Variants in MAPK10 observed in about 807,000 individuals in gnomAD.
The protein encoded by MAPK10 is JNK3 alpha protein kinase.
Under a neutral mutation model 59.3 loss-of-function variants are expected in MAPK10, and 25 were observed. The observed-to-expected ratio is 0.42, with a 90% CI of 0.31 to 0.59. MAPK10 has a LOEUF of 0.59. MAPK10 is among the 20% of genes least tolerant of loss of function. The pLI is 0.15. For synonymous variants in MAPK10, 190 were observed against 200.5 expected (o/e 0.95, Z 0.44); for missense variants, 351 against 568.9 (o/e 0.62, Z 3.90).
chr4:86,064,127 G>T, intron 11 of MAPK10, 139 bp downstream of exon 11: 1 of 972,668 alleles, frequency 1.0e-6, no homozygotes, highest in South Asian at 1.7e-5. Flanking sequence ...ATAGCTTTTA[G>T]AGGGGCAGAT....
chr4:86,357,183 G>T (rs559469758), intron 1 of MAPK10: 83 of 152,276 alleles, frequency 5.5e-4, no homozygotes, highest in African/African-American at 2.0e-3. Context: ...GCAATCATTC[G>T]ATTTGAACAC....
chr4:86,531,922 T>C (rs1283934431), intron 1 of MAPK10, among the ~76,000 whole-genome samples: 1 of 151,844 alleles, frequency 6.6e-6, no homozygotes, highest in Non-Finnish European at 1.5e-5. Context: ...GGCACGATGG[T>C]TTGCACCTGT....
chr4:86,391,341 C>T, intron 1 of MAPK10, among the ~76,000 whole-genome samples: 1 of 152,156 alleles, frequency 6.6e-6, no homozygotes, highest in East Asian at 1.9e-4. Flanking sequence ...CAAATGGAAA[C>T]AAAATCCTTT....
intron 1 of MAPK10, among the ~76,000 whole-genome samples, chr4:86,535,736 C>T (rs144569433): frequency 3.5e-4 from 53 of 152,242 alleles, no homozygotes; most frequent in African/African-American, 1.2e-3. Flanking sequence ...CTTTAATTTA[C>T]TTTGGTAGTA....
chr4:86,223,080 T>C (rs1443959775), intron 2 of MAPK10, among the ~76,000 whole-genome samples: 1 of 152,246 alleles, frequency 6.6e-6, no homozygotes, highest in East Asian at 1.9e-4. Flanking sequence ...GCTCAACATC[T>C]TTTAAGCCTT....
chr4:86,133,292 G>A (rs1044129787), intron 4 of MAPK10, among the ~76,000 whole-genome samples: 3 of 152,110 alleles, frequency 2.0e-5, no homozygotes, highest in African/African-American at 7.2e-5. Context: ...TTATATCAGA[G>A]AGCTGAAAAA....
chr4:86,455,967 C>T (rs979716665), upstream of MAPK10, among the ~76,000 whole-genome samples: 2 of 152,088 alleles, frequency 1.3e-5, no homozygotes, highest in Non-Finnish European at 2.9e-5. Flanking sequence ...TCTCTCAGAC[C>T]AGAGTGGAAT....
At chr4:86,359,575 C>T (rs888092141) in intron 1 of MAPK10, 83 bp downstream of exon 1, 4 of 591,168 alleles carry the variant, frequency 6.8e-6, no homozygotes, top group African/African-American at 4.0e-5. Context: ...ACTCCCTCTC[C>T]CGCCCCACCA....
At chr4:86,167,249 C>T (rs530678343) in intron 3 of MAPK10, among the ~76,000 whole-genome samples, 34 of 152,162 alleles carry the variant, frequency 2.2e-4, no homozygotes, top group African/African-American at 7.9e-4. Context: ...AAAAAAAAGC[C>T]CAGGACCAGA....
intron 2 of MAPK10, among the ~76,000 whole-genome samples, chr4:86,201,291 A>C (rs1313318865): frequency 6.6e-6 from 1 of 151,878 alleles, no homozygotes; most frequent in East Asian, 1.9e-4. Context: ...TTAACTTTTT[A>C]AAAGCTGCCA....
At chr4:86,308,486 T>C in intron 2 of MAPK10, among the ~76,000 whole-genome samples, 1 of 152,056 alleles carries the variant, frequency 6.6e-6, no homozygotes. Context: ...GGGGAAAAAA[T>C]AAACTTGTAA....
intron 2 of MAPK10, among the ~76,000 whole-genome samples, chr4:86,332,279 T>G (rs551713383): frequency 2.3e-4 from 35 of 152,340 alleles, no homozygotes; most frequent in African/African-American, 8.4e-4. Flanking sequence ...TTACCTTAAA[T>G]GAAACTTTAC....
At chr4:86,171,579 A>G (rs2074168071) in intron 3 of MAPK10, among the ~76,000 whole-genome samples, 1 of 152,230 alleles carries the variant, frequency 6.6e-6, no homozygotes, top group Non-Finnish European at 1.5e-5. Flanking sequence ...AATTAATTCA[A>G]GATGGATTAA....
chr4:86,481,520 C>T (rs1403872527), intron 1 of MAPK10, among the ~76,000 whole-genome samples: 1 of 151,794 alleles, frequency 6.6e-6, no homozygotes, highest in Non-Finnish European at 1.5e-5. Flanking sequence ...TCTTGCTTAC[C>T]TCTTAATTAG....
At chr4:86,022,514 A>C (rs374072932) in intron 13 of MAPK10, among the ~76,000 whole-genome samples, 60 of 149,508 alleles carry the variant, frequency 4.0e-4, no homozygotes, top group Middle Eastern at 6.8e-3. Context: ...TTTCTTCTTT[A>C]TTTCTTTTTT....
chr4:86,508,108 T>C (rs966987816), intron 1 of MAPK10, among the ~76,000 whole-genome samples: 1 of 152,174 alleles, frequency 6.6e-6, no homozygotes. Context: ...TAGTTTACTA[T>C]GGCATGTGTA....
At chr4:86,160,359 T>A (rs1673284202) in intron 3 of MAPK10, 1 of 152,030 alleles carries the variant, frequency 6.6e-6, no homozygotes, top group South Asian at 2.1e-4. Context: ...TCCTGTGGCA[T>A]ACACTGGTGG....
At chr4:86,533,458 G>T (rs1423014191) in intron 1 of MAPK10, among the ~76,000 whole-genome samples, 2 of 152,106 alleles carry the variant, frequency 1.3e-5, no homozygotes, top group African/African-American at 2.4e-5. Context: ...TAAATGAATT[G>T]TTCAAAAAAG....
At chr4:86,460,708 TA>T (rs1751657225) in intron 1 of MAPK10, among the ~76,000 whole-genome samples, 1 of 152,236 alleles carries the variant, frequency 6.6e-6, no homozygotes, top group African/African-American at 2.4e-5. Context: ...AAGGCATTCT[TA>T]AACCACAAAC....
Sources: allele counts gnomAD v4.1 joint callset (sites outside exome capture counted in the v4.1 genomes callset), GRCh38; gene constraint gnomAD v4.1.1; transcripts MANE v1.5; gene names NCBI Gene and HGNC (gene_info 2026-07-23, HGNC 2026-07-21).